The following MDN1 variants were observed in gnomAD, a reference collection of about 807,000 sequenced individuals.
MDN1 encodes midasin AAA ATPase 1.
Under a neutral mutation model 669.2 loss-of-function variants are expected in MDN1, and 266 were observed. The ratio of observed to expected loss-of-function variants is 0.40; its 90% CI spans 0.36 to 0.44. MDN1 has a LOEUF of 0.44. Ranked by LOEUF, MDN1 falls within the 20% of genes least tolerant of loss-of-function variation. MDN1 has a pLI of 1.00. For synonymous variants in MDN1, 2,385 were observed against 2,457.1 expected (o/e 0.97, Z 0.87); for missense variants, 5,940 against 6,754.0 (o/e 0.88, Z 4.22).
intron 14 of MDN1, 66 bp from the exon 15 acceptor site, chr6:89,771,687 CCTT>C: frequency 7.3e-7 from 1 of 1,363,178 alleles, no homozygotes; most frequent in African/African-American, 1.4e-5. Context: ...CCAGTGTGCT[CCTT>C]AAGGCTGTGG....
intron 36 of MDN1, 29 bp from the exon 37 acceptor site, chr6:89,727,984 C>A: frequency 6.3e-7 from 1 of 1,579,488 alleles, no homozygotes. Flanking sequence ...TGGAAAGAAG[C>A]CATTATTACT....
At chr6:89,689,424 G>A (rs182412967) in intron 65 of MDN1, among the ~76,000 whole-genome samples, 2 of 152,180 alleles carry the variant, frequency 1.3e-5, no homozygotes, top group East Asian at 1.9e-4. Flanking sequence ...ATGAAATAAT[G>A]CCAAGAAATC....
In MDN1 at chr6:89,696,532, A is replaced by G; in HGVS notation, c.9211T>C (p.Phe3071Leu). 6.2e-7 allele frequency: 1 copy of G among 1,614,202 alleles called. No homozygotes were observed. Among genetic ancestry groups the G allele is most frequent in the Non-Finnish European group, 8.5e-7 (1 of 1,180,032 alleles). ...CTCCAGCTGCTGGTTAAGACTTCAA[A>G]GCAGCACTTAGAGAATATGGGTCTA... The part of the protein sequence containing the change: ...LNRPIFSKCC[F>L]EVLTSSWRAS... Residue 3071 changes from phenylalanine to leucine, a missense_variant, in exon 60 of 102, where the codon TTT becomes CTT. This residue lies in a region of MDN1 where 2,292 missense variants were observed against 2,638.3 expected (regional missense o/e 0.87). Transcript: ENST00000369393.
Position 89,718,903 on chromosome 6 carries a change from A to C in MDN1, c.6185T>G (p.Val2062Gly). 1 of 1,614,160 alleles carries C rather than the reference A, an allele frequency of 6.2e-7. No individual in the cohort carries two copies. The highest frequency in any genetic ancestry group is 8.5e-7 in the Non-Finnish European group (1 of 1,180,028). ...CACAGAGGCTGGCCCGACCAGGATG[A>C]CCATCCAGCTCATCTGCACACACTT... ...IMKCVQMSWM[V>G]ILVGPASVGK... Residue 2062 changes from valine (V) to glycine (G), a missense_variant, in exon 42 of 102, where the codon GTC becomes GGC. Physicochemically the swap from Val to Gly is moderately radical, Grantham distance 109 (BLOSUM62 -3). This residue lies in a region of MDN1 where 2,292 missense variants were observed against 2,638.3 expected (regional missense o/e 0.87). Coordinates refer to ENST00000369393, the MANE Select transcript of MDN1 (RefSeq NM_014611.3).
At chr6:89,684,630 C>G (rs1277065655) in intron 71 of MDN1, among the ~76,000 whole-genome samples, 1 of 152,202 alleles carries the variant, frequency 6.6e-6, no homozygotes, top group African/African-American at 2.4e-5. Flanking sequence ...GGAACACAAA[C>G]AGATTTCTGT....
At chr6:89,815,831 C>A (rs147908541) in intron 1 of MDN1, among the ~76,000 whole-genome samples, 58 of 152,178 alleles carry the variant, frequency 3.8e-4, no homozygotes, top group African/African-American at 1.4e-3. Flanking sequence ...AGTGCCAAGG[C>A]CCTTGGGGGC....
At chr6:89,741,330 T>C (rs923644718) in intron 31 of MDN1, among the ~76,000 whole-genome samples, 4 of 152,110 alleles carry the variant, frequency 2.6e-5, no homozygotes, top group African/African-American at 9.7e-5. Flanking sequence ...CAAAAAGTTA[T>C]GACAGTAAAA....
intron 77 of MDN1, 172 bp from the exon 78 acceptor site, chr6:89,675,751 T>G: frequency 1.7e-6 from 1 of 589,866 alleles, no homozygotes; most frequent in Non-Finnish European, 3.0e-6. Context: ...ATCATTGAGA[T>G]TCCATAGACA....
chr6:89,730,960 C>G, intron 34 of MDN1, 37 bp from the exon 35 acceptor site: 1 of 1,562,848 alleles, frequency 6.4e-7, no homozygotes, highest in Non-Finnish European at 8.7e-7. Flanking sequence ...AGCAACAGTA[C>G]AACACCAAGC....
Position 89,683,217 on chromosome 6 carries a change from T to C in MDN1, c.12017A>G (p.Asp4006Gly), listed in dbSNP as rs1352073157. The part of the protein sequence containing the change: ...EQPDFLPRPT[D>G]GAASELSSIQ... ...GGAAGACAGTTCACTTGCAGCTCCA[T>C]CTGTTGGCCTGGGCAAAAAGTCAGG... The change falls in exon 73 of 102, where the codon GAT becomes GGT. Residue 4006 changes from aspartate to glycine, a missense_variant. Transcript: ENST00000369393. 1.9e-6 allele frequency: 3 copies of C among 1,613,978 alleles called. No homozygotes were observed. The Admixed American group carries it at 5.0e-5, about 27-fold the overall frequency.
Position 89,672,263 on chromosome 6 carries a change from G to C in MDN1, c.13731C>G (p.Ala4577=). ...STLHVQKIIS[A]ISELLERLKS... is the part of the protein sequence containing the mutation. ...TCAGCCTCTCCAACAGCTCGGAGAT[G>C]GCAGAAATTATTTTCTGCACGTGCA... The change falls in exon 82 of 102, where the codon GCC becomes GCG. Residue 4577 remains alanine (A), a synonymous_variant. Coordinates refer to ENST00000369393, the MANE Select transcript of MDN1 (RefSeq NM_014611.3). 1 of 1,611,968 alleles carries C rather than the reference G, an allele frequency of 6.2e-7. No individual in the cohort carries two copies. Among genetic ancestry groups the C allele is most frequent in the Non-Finnish European group, 8.5e-7 (1 of 1,179,622 alleles).
intron 1 of MDN1, among the ~76,000 whole-genome samples, chr6:89,805,794 TA>T (rs758480215): frequency 7.2e-5 from 11 of 152,234 alleles, no homozygotes; most frequent in Non-Finnish European, 1.5e-4. Flanking sequence ...CTATCAGTCT[TA>T]GTTCTGTCCT....
intron 1 of MDN1, among the ~76,000 whole-genome samples, chr6:89,812,901 C>G (rs147080300): frequency 0.012 from 1,812 of 152,152 alleles, 33 homozygotes; most frequent in Admixed American, 0.046. Flanking sequence ...GAGTTCAAGA[C>G]CAGCCTGGGC....
chr6:89,753,770 C>G (rs1817085884), intron 21 of MDN1, 148 bp from the exon 22 acceptor site: 1 of 715,374 alleles, frequency 1.4e-6, no homozygotes, highest in Non-Finnish European at 2.4e-6. Flanking sequence ...AAGGGTAGGC[C>G]AGGCACGGTG....
chr6:89,705,037 C>T (rs1344602088), intron 53 of MDN1, among the ~76,000 whole-genome samples: 1 of 152,114 alleles, frequency 6.6e-6, no homozygotes, highest in Non-Finnish European at 1.5e-5. Flanking sequence ...CTCTCCTTTC[C>T]AACCTCCTAA....
At position 89,695,740 on chromosome 6, in the gene MDN1, C is replaced by T. The variant is rs1204093766; in HGVS notation, c.9636G>A (p.Arg3212=). 1 of 1,613,632 alleles carries T rather than the reference C, an allele frequency of 6.2e-7. No homozygotes were observed. Among genetic ancestry groups the T allele is most frequent in the African/African-American group, 1.3e-5 (1 of 74,932 alleles). Residue 3212 remains arginine, a synonymous_variant, in exon 61 of 102, where the codon AGG becomes AGA. Coordinates refer to ENST00000369393, the MANE Select transcript of MDN1 (RefSeq NM_014611.3). This position sits in a 1 kb window ranked among gnomAD's most constrained non-coding sequence, Gnocchi z 4.1. ...CACGCTGGGCTGGCTCAGGCAGGCT[C>T]CTCTTACTCTCCCCTTCACCAACAA... The part of the protein sequence containing the change: ...HHFVGEGESK[R]SLPEPAQRGS...
chr6:89,685,074 C>T (rs1811915551), intron 70 of MDN1, 89 bp from the exon 71 acceptor site: 4 of 765,464 alleles, frequency 5.2e-6, no homozygotes, highest in Non-Finnish European at 8.7e-6. Flanking sequence ...AGTGATGACC[C>T]TTCCTCATTA....
Position 89,690,064 on chromosome 6 carries a change from G to C in MDN1, c.10829C>G (p.Thr3610Arg). Residue 3610 changes from threonine to arginine, a missense_variant, in exon 65 of 102, where the codon ACA (threonine) becomes AGA (arginine). Transcript: ENST00000369393. ...ATTCTGGGAGAGGAGAGCTGGGTTTGTGCCTGCTTCCTCTTCTTGCCCATC... is the reference window on the plus strand; with the variant it reads ...ATTCTGGGAGAGGAGAGCTGGGTTTCTGCCTGCTTCCTCTTCTTGCCCATC... ...TSDGQEEEAG[T>R]NPALLSQNSM... The C allele has an allele frequency of 6.2e-7, 1 of 1,614,192 alleles. No individual in the cohort carries two copies.
At chr6:89,716,960 CAGAT>C (rs1814417113) in intron 43 of MDN1, 151 bp from the exon 44 acceptor site, 1 of 907,634 alleles carries the variant, frequency 1.1e-6, no homozygotes, top group East Asian at 2.9e-5. Flanking sequence ...TGTTTAAACA[CAGAT>C]AGGAAAGTTA....
Sources: gnomAD v4.1 joint callset for allele counts (sites outside exome capture counted in the v4.1 genomes callset) on GRCh38, gnomAD v4.1.1 for gene constraint, gnomAD v4.1.1 regional missense constraint, Gnocchi (gnomAD v3.1) non-coding constraint, MANE v1.5 for transcripts, NCBI Gene and HGNC (gene_info 2026-07-23, HGNC 2026-07-21) for gene names.